DLGAP2: variants seen among roughly 807,000 people sequenced by gnomAD.
The protein encoded by DLGAP2 is DLG associated protein 2, also known as disks large-associated protein 2.
A neutral mutation model predicts 100.3 loss-of-function variants in DLGAP2; 26 were observed. The ratio of observed to expected loss-of-function variants is 0.26; its 90% CI spans 0.19 to 0.36. The LOEUF is 0.36. DLGAP2 is among the 10% of genes least tolerant of loss of function. The probability of loss-of-function intolerance (pLI) is 1.00; values close to 1 mark genes in which losing one functional copy is unlikely to be tolerated. For synonymous variants in DLGAP2, 886 were observed against 630.1 expected, an observed-to-expected ratio of 1.41 and a Z score of -6.08; for missense variants, 1,858 against 1,453.2, an observed-to-expected ratio of 1.28 and a Z score of -4.53.
At chr8:1,407,461 C>G (rs1172382405) in intron 3 of DLGAP2, among the ~76,000 whole-genome samples, 12 of 144,386 alleles carry the variant, frequency 8.3e-5, no homozygotes, top group African/African-American at 1.8e-4. Context: ...CTGAGCGCCA[C>G]CTCCTCATCC....
intron 2 of DLGAP2, among the ~76,000 whole-genome samples, chr8:1,027,063 A>G (rs1045129958): frequency 1.3e-5 from 2 of 152,354 alleles, no homozygotes; most frequent in Admixed American, 6.5e-5. Context: ...ATATGTGCCC[A>G]TAATGGCTGT....
chr8:909,469 T>G (rs1290979873), intron 2 of DLGAP2, among the ~76,000 whole-genome samples: 1 of 152,192 alleles, frequency 6.6e-6, no homozygotes. Context: ...CTTGTCTTTT[T>G]TTTTTTTGAC....
intron 5 of DLGAP2, among the ~76,000 whole-genome samples, chr8:1,555,930 G>C (rs1310598286): frequency 6.6e-6 from 1 of 152,186 alleles, no homozygotes; most frequent in Admixed American, 6.5e-5. Context: ...ATTCAAGACA[G>C]TGTTCCGAAA....
At chr8:1,282,691 C>G (rs1156372923) in intron 3 of DLGAP2, among the ~76,000 whole-genome samples, 2 of 114,438 alleles carry the variant, frequency 1.7e-5, no homozygotes, top group Non-Finnish European at 3.6e-5. Context: ...AGCGCATGAA[C>G]CATCCAGACG....
intron 3 of DLGAP2, among the ~76,000 whole-genome samples, chr8:1,274,008 A>G (rs1324789800): frequency 6.6e-6 from 1 of 152,184 alleles, no homozygotes; most frequent in Non-Finnish European, 1.5e-5. Flanking sequence ...TTTTTCATAT[A>G]TGAAAGTCTT....
chr8:1,455,410 C>G (rs748023696), intron 3 of DLGAP2, among the ~76,000 whole-genome samples: 5 of 152,232 alleles, frequency 3.3e-5, no homozygotes, highest in Non-Finnish European at 5.9e-5. Context: ...CAGGGGGACC[C>G]TGGTCTGTCA....
chr8:1,122,840 C>A (rs1297507313), intron 2 of DLGAP2, among the ~76,000 whole-genome samples: 2 of 151,786 alleles, frequency 1.3e-5, no homozygotes, highest in Non-Finnish European at 2.9e-5. Context: ...TTCTCCTGAC[C>A]AGTAGCTCCC....
intron 1 of DLGAP2, among the ~76,000 whole-genome samples, chr8:835,959 G>T (rs1796866124): frequency 6.6e-6 from 1 of 152,132 alleles, no homozygotes; most frequent in Non-Finnish European, 1.5e-5. Flanking sequence ...TTTTCTCACA[G>T]GTTTGGTCAT....
rs188552609 is a variant in DLGAP2 at position 1,143,962 on chromosome 8, G to T, written c.74-114889G>T. Reference sequence around the variant, plus strand: ...TGAATGGCATAACAGATAAGGGAAGGCAAGATAATTAGGAGGAATTTTGGA... The same window carrying T: ...TGAATGGCATAACAGATAAGGGAAGTCAAGATAATTAGGAGGAATTTTGGA... On this transcript the variant is annotated intron_variant, in intron 2 of 14. Transcript: ENST00000637795. Among the ~76,000 whole-genome samples the T allele has an allele frequency of 8.0e-4, 122 of 152,328 alleles. 2 individuals are homozygous for T. The East Asian group carries it at 0.021, about 27-fold the overall frequency.
chr8:1,341,109 A>C (rs1307795318), intron 3 of DLGAP2, among the ~76,000 whole-genome samples: 1 of 152,164 alleles, frequency 6.6e-6, no homozygotes, highest in Non-Finnish European at 1.5e-5. Context: ...GAGGGAGAGG[A>C]TCAGGAAAGT....
intron 3 of DLGAP2, among the ~76,000 whole-genome samples, chr8:1,320,903 G>T (rs1444343868): frequency 1.3e-5 from 2 of 152,194 alleles, no homozygotes; most frequent in Non-Finnish European, 2.9e-5. Flanking sequence ...GCACAGGTGT[G>T]TAGGGGCATG....
rs145233648 is a variant in DLGAP2 at position 1,613,757 on chromosome 8, G to A, written c.1443-12983G>A. 5.9e-5 allele frequency among the ~76,000 whole-genome samples: 9 copies of A among 152,178 alleles called. 1 individual carries two copies. In the East Asian group the frequency reaches 1.2e-3, roughly 20 times the overall value. On this transcript the variant is annotated intron_variant, in intron 6 of 14. Coordinates refer to ENST00000637795, the MANE Select transcript of DLGAP2 (RefSeq NM_001346810.2). Reference sequence around the variant, plus strand: ...TCGAGAACCTGTTCTGTACTGCTTCGGACAGATGTAGGTCTCCATTCTGAA... The same window carrying A: ...TCGAGAACCTGTTCTGTACTGCTTCAGACAGATGTAGGTCTCCATTCTGAA...
intron 2 of DLGAP2, among the ~76,000 whole-genome samples, chr8:915,486 G>C (rs200501326): frequency 6.6e-6 from 1 of 151,968 alleles, no homozygotes; most frequent in Non-Finnish European, 1.5e-5. Context: ...GGCGGAGCTT[G>C]CAGTGAGCCG....
intron 2 of DLGAP2, among the ~76,000 whole-genome samples, chr8:1,223,607 G>A (rs183540950): frequency 2.0e-5 from 3 of 152,222 alleles, no homozygotes; most frequent in Non-Finnish European, 4.4e-5. Flanking sequence ...ATTAAGAATT[G>A]TAAGTGCCTT....
intron 2 of DLGAP2, among the ~76,000 whole-genome samples, chr8:1,258,500 C>G (rs151079085): frequency 0.014 from 2,104 of 152,104 alleles, 49 homozygotes; most frequent in African/African-American, 0.048. Flanking sequence ...GGCTTAAAAC[C>G]TGGATGATGG....
At chr8:1,323,387 A>G (rs1222048241) in intron 3 of DLGAP2, among the ~76,000 whole-genome samples, 1 of 152,092 alleles carries the variant, frequency 6.6e-6, no homozygotes, top group Non-Finnish European at 1.5e-5. Flanking sequence ...CTCCGGGAGG[A>G]AAGGTGGTTA....
At chr8:830,318 C>T (rs1003642387) in intron 1 of DLGAP2, among the ~76,000 whole-genome samples, 1 of 152,142 alleles carries the variant, frequency 6.6e-6, no homozygotes, top group African/African-American at 2.4e-5. Context: ...CAATTATACC[C>T]TTTTAGATAT....
At chr8:1,476,042 C>T (rs1217770748) in intron 3 of DLGAP2, among the ~76,000 whole-genome samples, 8 of 152,150 alleles carry the variant, frequency 5.3e-5, no homozygotes, top group African/African-American at 1.9e-4. Flanking sequence ...GAGCCCAGGG[C>T]ATCCTTCAAA....
intron 10 of DLGAP2, among the ~76,000 whole-genome samples, chr8:1,670,648 G>A (rs1400782422): frequency 6.6e-6 from 1 of 152,180 alleles, no homozygotes; most frequent in Non-Finnish European, 1.5e-5. Context: ...GCAAAGACAG[G>A]AATGTAGGTG....
Sources: gnomAD v4.1 joint callset for allele counts (sites outside exome capture counted in the v4.1 genomes callset) on GRCh38, gnomAD v4.1.1 for gene constraint, MANE v1.5 for transcripts, NCBI Gene and HGNC (gene_info 2026-07-23, HGNC 2026-07-21) for gene names.